Variants in MLIP observed in about 807,000 individuals in gnomAD.
MLIP encodes the protein muscular LMNA interacting protein.
MLIP carries 79 observed loss-of-function variants against 84.8 expected under a neutral mutation model. That is an observed-to-expected ratio of 0.93 (90% CI 0.78 to 1.12). The LOEUF (loss-of-function observed/expected upper bound fraction) is 1.12, where lower values mean the gene tolerates loss of function less well. Ranked by LOEUF, MLIP falls within the 50% of genes most tolerant of loss-of-function variation. The pLI, the probability that MLIP is intolerant of heterozygous loss-of-function variation, is 0.00. For synonymous variants in MLIP, 504 were observed against 463.0 expected, an observed-to-expected ratio of 1.09 and a Z score of -1.14; for missense variants, 1,257 against 1,160.6, an observed-to-expected ratio of 1.08 and a Z score of -1.21.
At chr6:54,112,780 C>T (rs913315062) in intron 1 of MLIP, among the ~76,000 whole-genome samples, 1 of 152,070 alleles carries the variant, frequency 6.6e-6, no homozygotes, top group African/African-American at 2.4e-5. Flanking sequence ...TTTTCAGTTG[C>T]CTTTATTGTC....
In MLIP at chr6:54,213,734, A is replaced by AAAAAAAAAAAAACAAAAAAC. The variant is rs368508685; in HGVS notation, c.2718+11503_2718+11504insAAAAAAAAAACAAAAAACAA. ...AAAAAAAAAAAAAAAAAAAAAAAAAAAACAACAAACAGCATATCTTGTATG... is the reference window on the plus strand; with the variant it reads ...AAAAAAAAAAAAAAAAAAAAAAAAAAAAAAAAAAAAAACAAAAAACAACAACAAACAGCATATCTTGTATG... On this transcript the variant is annotated intron_variant, in intron 11 of 13. Transcript: ENST00000502396. 6.1e-5 allele frequency among the ~76,000 whole-genome samples: 5 copies of AAAAAAAAAAAAACAAAAAAC among 82,366 alleles called. 2 individuals carry two copies. The highest frequency in any genetic ancestry group is 4.7e-5 in the Non-Finnish European group (2 of 42,150). 54.0% of individuals were successfully genotyped at this position (82,366 alleles called of 152,430 possible). A position where few individuals can be genotyped will look rare whatever the true frequency, so the allele number is the denominator to read the frequency against.
intron 1 of MLIP, among the ~76,000 whole-genome samples, chr6:54,022,043 G>A (rs1361764006): frequency 1.3e-5 from 2 of 152,144 alleles, no homozygotes; most frequent in East Asian, 3.8e-4. Flanking sequence ...GTTTCAATTT[G>A]GTTAGTTCCA....
intron 11 of MLIP, among the ~76,000 whole-genome samples, chr6:54,221,080 C>T (rs1780187183): frequency 1.3e-5 from 2 of 151,794 alleles, no homozygotes; most frequent in Admixed American, 6.6e-5. Flanking sequence ...TAGAAATGCT[C>T]GTTTTTGAGA....
rs1024430613 is a variant in MLIP, at chr6:54,082,867, A to G, written c.64-38580A>G. On this transcript the variant is annotated intron_variant, in intron 1 of 12. Transcript: ENST00000274897. ...GAGCACTTAATATACTTTGACTTGC[A>G]AATCCTTTCTTGATTTTATTACTGC... Among the ~76,000 whole-genome samples the G allele has an allele frequency of 5.7e-4, 87 of 152,164 alleles. 1 individual carries two copies. The highest frequency in any genetic ancestry group is 3.9e-4 in the Admixed American group (6 of 15,284).
chr6:54,230,061 C>T (rs816385), intron 11 of MLIP, among the ~76,000 whole-genome samples: 103,843 of 152,000 alleles, frequency 0.68, 38,300 homozygotes, highest in Non-Finnish European at 0.81. Flanking sequence ...TTAGTTAAGG[C>T]CTCGTAACCT....
chr6:54,043,189 GAACTTGGGT>G (rs1325944065), intron 1 of MLIP, among the ~76,000 whole-genome samples: 1 of 152,184 alleles, frequency 6.6e-6, no homozygotes, highest in African/African-American at 2.4e-5. Flanking sequence ...TTCTCCCAAA[GAACTTGGGT>G]ATAGCCTGAG....
chr6:54,144,896 A>G (rs1352124724), intron 4 of MLIP, among the ~76,000 whole-genome samples: 1 of 152,204 alleles, frequency 6.6e-6, no homozygotes, highest in Non-Finnish European at 1.5e-5. Flanking sequence ...GAAGGGGCAG[A>G]ATGTGTTCTT....
At chr6:54,249,710 A>AACAC (rs147266668) in intron 12 of MLIP, among the ~76,000 whole-genome samples, 8,269 of 146,936 alleles carry the variant, frequency 0.056, 371 homozygotes, top group East Asian at 0.19. Flanking sequence ...GGAAATGAGG[A>AACAC]ACACACACAC....
Position 54,220,975 on chromosome 6 carries a change from A to G in MLIP, c.2719-9739A>G, listed in dbSNP as rs539405638. On this transcript the variant is annotated intron_variant, in intron 11 of 13. Coordinates refer to ENST00000502396, the MANE Select transcript of MLIP (RefSeq NM_001281747.2). ...TCTTTACAATAATAAAACTCTGTTC[A>G]TGAGAAGGATTATGAAAATCTTTGG... Among the ~76,000 whole-genome samples the G allele has an allele frequency of 2.0e-3, 308 of 152,294 alleles. 3 individuals carry two copies. The highest frequency in any genetic ancestry group is 7.1e-3 in the African/African-American group (295 of 41,570).
chr6:54,257,752 C>A (rs1023561760), intron 13 of MLIP, among the ~76,000 whole-genome samples: 1 of 151,996 alleles, frequency 6.6e-6, no homozygotes, highest in African/African-American at 2.4e-5. Flanking sequence ...CATGGTATCT[C>A]AGTTTCAGTT....
intron 1 of MLIP, among the ~76,000 whole-genome samples, chr6:54,071,270 T>A (rs1434833331): frequency 6.6e-6 from 1 of 152,080 alleles, no homozygotes; most frequent in Non-Finnish European, 1.5e-5. Flanking sequence ...TATATTTTAA[T>A]GAACATGACA....
At position 54,080,835 on chromosome 6, in the gene MLIP, TTAAAG is replaced by T. The variant is rs1002897749; in HGVS notation, c.64-40609_64-40605del. Among the ~76,000 whole-genome samples, 6 of 151,332 alleles carry T rather than the reference TTAAAG, an allele frequency of 4.0e-5. No homozygotes were observed. The East Asian group carries it at 7.7e-4, about 19-fold the overall frequency. On this transcript the variant is annotated intron_variant, in intron 1 of 12. Coordinates refer to the MLIP transcript ENST00000274897. ...GTACCCAAAGGGCTAGAGGAAACTTTTAAAGTATAGTTTTTTTTTTAACTTGAGCC... is the reference window on the plus strand; with the variant it reads ...GTACCCAAAGGGCTAGAGGAAACTTTTATAGTTTTTTTTTTAACTTGAGCC...
intron 1 of MLIP, among the ~76,000 whole-genome samples, chr6:54,045,077 G>A (rs916790657): frequency 1.3e-5 from 2 of 151,834 alleles, no homozygotes; most frequent in Non-Finnish European, 2.9e-5. Context: ...GGCCCGGCAC[G>A]GTAGCTCATG....
chr6:54,172,527 T>C (rs1015973013), intron 9 of MLIP, among the ~76,000 whole-genome samples: 3 of 151,436 alleles, frequency 2.0e-5, no homozygotes, highest in Non-Finnish European at 4.4e-5. Context: ...ATTGTAGAAA[T>C]AGAGAGGAGG....
At chr6:54,105,259 C>T (rs752605690) in intron 1 of MLIP, among the ~76,000 whole-genome samples, 70 of 152,116 alleles carry the variant, frequency 4.6e-4, no homozygotes, top group African/African-American at 1.6e-3. Context: ...CTGTTACTTG[C>T]GTCCTGCTCC....
chr6:54,192,272 G>A (rs1384842819), intron 10 of MLIP, among the ~76,000 whole-genome samples: 1 of 151,672 alleles, frequency 6.6e-6, no homozygotes, highest in East Asian at 1.9e-4. Flanking sequence ...GGTTTGTGAA[G>A]GGATTATTAT....
At chr6:54,152,172 T>A (rs1235410896) in intron 5 of MLIP, among the ~76,000 whole-genome samples, 1 of 152,122 alleles carries the variant, frequency 6.6e-6, no homozygotes, top group Admixed American at 6.6e-5. Flanking sequence ...TGGCTTAACC[T>A]CCTGCCAATA....
chr6:54,076,376 G>A (rs757805030), intron 1 of MLIP, among the ~76,000 whole-genome samples: 7 of 152,160 alleles, frequency 4.6e-5, no homozygotes, highest in Non-Finnish European at 4.4e-5. Context: ...CCAGACTGAT[G>A]TCTCTGGGCT....
At chr6:54,154,029 G>A (rs1407258410) in intron 5 of MLIP, among the ~76,000 whole-genome samples, 1 of 151,898 alleles carries the variant, frequency 6.6e-6, no homozygotes, top group Admixed American at 6.6e-5. Context: ...TATGGTAAAT[G>A]GTTCTCGGGT....
Sources: allele counts gnomAD v4.1 joint callset (sites outside exome capture counted in the v4.1 genomes callset), GRCh38; gene constraint gnomAD v4.1.1; transcripts MANE v1.5; gene names NCBI Gene and HGNC (gene_info 2026-07-23, HGNC 2026-07-21).